CFAP92: variants seen among roughly 807,000 people sequenced by gnomAD.
CFAP92 encodes the protein cilia and flagella associated protein 92 (putative).
CFAP92 carries 86 observed loss-of-function variants against 106.3 expected under a neutral mutation model. The ratio of observed to expected loss-of-function variants is 0.81; its 90% CI spans 0.68 to 0.97. CFAP92 has a LOEUF of 0.97. CFAP92 is among the 50% of genes least tolerant of loss of function. The probability of loss-of-function intolerance (pLI) is 0.00; values close to 1 mark genes in which losing one functional copy is unlikely to be tolerated. For missense variants in CFAP92, 1,204 were observed against 1,283.8 expected, an observed-to-expected ratio of 0.94 and a Z score of 0.95; for synonymous variants, 477 against 506.4, an observed-to-expected ratio of 0.94 and a Z score of 0.78.
chr3:128,911,050 T>A lies in CFAP92; in HGVS notation c.3281-717A>T, dbSNP rs142206110. On this transcript the variant is annotated intron_variant, in intron 15 of 15. Transcript: ENST00000645291. ...GTATGTATATATGTGTGTGTGTGTA[T>A]GTATGTATGTATGTATTTATTTCGA... 4.9e-3 allele frequency among the ~76,000 whole-genome samples: 742 copies of A among 152,052 alleles called. 8 individuals carry two copies. Among genetic ancestry groups the A allele is most frequent in the African/African-American group, 0.017 (706 of 41,420 alleles).
At chr3:129,007,075 C>T (rs770904756), upstream of CFAP92, among the ~76,000 whole-genome samples, 9 of 152,198 alleles carry the variant, frequency 5.9e-5, no homozygotes, top group Admixed American at 2.6e-4. Context: ...TGTGGCACAG[C>T]GACTTAGTGG....
At chr3:128,961,472 C>T (rs1261835239) in intron 9 of CFAP92, among the ~76,000 whole-genome samples, 1 of 142,558 alleles carries the variant, frequency 7.0e-6, no homozygotes, top group East Asian at 2.0e-4. Flanking sequence ...TTATCACCTC[C>T]CCTCCTCACA....
At chr3:129,002,404 C>T (rs919546275) in intron 1 of CFAP92, 13 of 1,455,064 alleles carry the variant, frequency 8.9e-6, no homozygotes, top group African/African-American at 1.5e-5. Flanking sequence ...CGGAGCCCGA[C>T]AGGACAGAGT....
chr3:128,993,509 T>C (rs1944350549), intron 1 of CFAP92, 173 bp from the exon 2 acceptor site: 1 of 639,632 alleles, frequency 1.6e-6, no homozygotes, highest in South Asian at 2.0e-5. Flanking sequence ...CTCAATCGAC[T>C]TAGAGAATGA....
chr3:129,013,661 G>A, the CFAP92 span, among the ~76,000 whole-genome samples: 3 of 152,294 alleles, frequency 2.0e-5, no homozygotes, highest in Middle Eastern at 3.4e-3. Flanking sequence ...TGGTACCAGG[G>A]AAATGGAGCA....
chr3:128,950,589 C>A (rs1940684108), intron 9 of CFAP92, among the ~76,000 whole-genome samples: 1 of 152,202 alleles, frequency 6.6e-6, no homozygotes, highest in Non-Finnish European at 1.5e-5. Flanking sequence ...GGGTGCAGCG[C>A]ACTTGTGTCT....
At chr3:129,009,567 A>G in the CFAP92 span, among the ~76,000 whole-genome samples, 6 of 152,212 alleles carry the variant, frequency 3.9e-5, no homozygotes, top group African/African-American at 1.4e-4. Flanking sequence ...TGACTGGCCA[A>G]ACCTTAGTCA....
chr3:128,965,694 T>C lies in CFAP92; in HGVS notation c.1170A>G (p.Gly390=). 2.5e-6 allele frequency: 1 copy of C among 398,688 alleles called. No homozygotes were observed. The highest frequency in any genetic ancestry group is 3.6e-5 in the East Asian group (1 of 28,058). 24.7% of individuals were successfully genotyped at this position (398,688 alleles called of 1,614,324 possible). The change falls in exon 9 of 16, where the codon GGA becomes GGG. Residue 390 remains glycine, a splice_region_variant and synonymous_variant. Transcript: ENST00000645291. ...IQLAVMPLLA[G]WQTVVSRGSE... Reference sequence around the variant, plus strand: ...TGCCACGACTCACGACAGTTTGCCATCCTGGGGGAAATACACCCAGCATTA... The same window carrying C: ...TGCCACGACTCACGACAGTTTGCCACCCTGGGGGAAATACACCCAGCATTA...
chr3:129,005,494 C>T (rs1945033469), upstream of CFAP92, among the ~76,000 whole-genome samples: 1 of 152,222 alleles, frequency 6.6e-6, no homozygotes, highest in Non-Finnish European at 1.5e-5. Flanking sequence ...AGAGAAAGAA[C>T]ATGAAACCAT....
At chr3:128,956,490 CA>C (rs1485465736) in intron 9 of CFAP92, among the ~76,000 whole-genome samples, 1 of 151,830 alleles carries the variant, frequency 6.6e-6, no homozygotes, top group Non-Finnish European at 1.5e-5. Flanking sequence ...ATAAGATAAA[CA>C]CAAAGAAATC....
intron 9 of CFAP92, among the ~76,000 whole-genome samples, chr3:128,956,215 T>TAAAAAAAAAAAAAAAAAAA (rs545191144): frequency 3.9e-4 from 27 of 68,620 alleles, no homozygotes; most frequent in Non-Finnish European, 6.0e-4. Context: ...AATAAAAAAA[T>TAAAAAAAAAAAAAAAAAAA]AAAAAAAAAA....
chr3:129,002,425 G>C (rs956048000), intron 1 of CFAP92: 3 of 1,419,092 alleles, frequency 2.1e-6, no homozygotes, highest in African/African-American at 3.0e-5. Context: ...CAGAGGAAGG[G>C]GAGACAGAGG....
chr3:129,023,701 TATA>T, the CFAP92 span, among the ~76,000 whole-genome samples: 1 of 152,206 alleles, frequency 6.6e-6, no homozygotes, highest in African/African-American at 2.4e-5. Context: ...CATTATTGGT[TATA>T]ATATTTACCA....
chr3:128,981,165 G>T (rs1419727052), intron 4 of CFAP92, among the ~76,000 whole-genome samples: 5 of 146,254 alleles, frequency 3.4e-5, no homozygotes, highest in African/African-American at 2.5e-5. Flanking sequence ...GCCTCCCAAG[G>T]AGCTGGGACT....
intron 10 of CFAP92, among the ~76,000 whole-genome samples, chr3:128,938,248 A>G (rs1366827832): frequency 6.6e-6 from 1 of 152,044 alleles, no homozygotes; most frequent in Non-Finnish European, 1.5e-5. Context: ...AAGAAAGAAA[A>G]AGAAAGAAAA....
intron 9 of CFAP92, among the ~76,000 whole-genome samples, chr3:128,957,444 G>A (rs759127011): frequency 9.2e-5 from 14 of 152,130 alleles, no homozygotes; most frequent in Non-Finnish European, 1.6e-4. Context: ...TATGTTATGC[G>A]TTAAATATAA....
chr3:128,983,300 C>T (rs900975458), intron 4 of CFAP92, among the ~76,000 whole-genome samples: 1 of 152,106 alleles, frequency 6.6e-6, no homozygotes, highest in Non-Finnish European at 1.5e-5. Context: ...AGGCCAGCAG[C>T]CTCCTCCAAA....
intron 9 of CFAP92, among the ~76,000 whole-genome samples, chr3:128,956,994 A>AAAAAAAAAAAAAAAAAG (rs377096690): frequency 7.7e-6 from 1 of 129,060 alleles, no homozygotes; most frequent in African/African-American, 2.8e-5. Context: ...AAAAAAAAAA[A>AAAAAAAAAAAAAAAAAG]AAAGAAATCA....
chr3:128,947,914 A>T (rs1940391108), intron 9 of CFAP92, among the ~76,000 whole-genome samples: 1 of 152,194 alleles, frequency 6.6e-6, no homozygotes, highest in Non-Finnish European at 1.5e-5. Context: ...CAGAAAAAAA[A>T]AATCCTTCTG....
Sources: allele counts gnomAD v4.1 joint callset (sites outside exome capture counted in the v4.1 genomes callset), GRCh38; gene constraint gnomAD v4.1.1; transcripts MANE v1.5; gene names NCBI Gene and HGNC (gene_info 2026-07-23, HGNC 2026-07-21).